Variants in DPF3 observed in about 807,000 individuals in gnomAD.
DPF3 encodes double PHD fingers 3, also known as zinc finger protein DPF3.
Under a neutral mutation model 56.8 loss-of-function variants are expected in DPF3, and 18 were observed. The observed-to-expected ratio is 0.32, with a 90% CI of 0.22 to 0.47. DPF3 has a LOEUF of 0.47. Among genes scored for constraint, DPF3 ranks in the 20% least tolerant of loss-of-function variants. The pLI is 1.00. For synonymous variants in DPF3, 188 were observed against 180.2 expected (o/e 1.04, Z -0.35); for missense variants, 403 against 488.8 (o/e 0.82, Z 1.65).
At chr14:72,648,634 C>T (rs1047920015) in intron 8 of DPF3, among the ~76,000 whole-genome samples, 8 of 151,990 alleles carry the variant, frequency 5.3e-5, no homozygotes, top group African/African-American at 1.7e-4. Flanking sequence ...CCCAGCTCCC[C>T]GCCTCTGTAT....
chr14:72,736,711 G>A (rs1889907238), intron 3 of DPF3, among the ~76,000 whole-genome samples: 1 of 152,186 alleles, frequency 6.6e-6, no homozygotes, highest in African/African-American at 2.4e-5. Context: ...AGCCCTTAGG[G>A]ATTTCATTTA....
chr14:72,714,268 G>T (rs1267177151), intron 6 of DPF3, among the ~76,000 whole-genome samples, 155 bp downstream of exon 6: 2 of 152,202 alleles, frequency 1.3e-5, no homozygotes, highest in African/African-American at 4.8e-5. Flanking sequence ...TGGTGACTGC[G>T]GTGGAGGCGG....
In DPF3 at chr14:72,614,777, G is replaced by GGAAAAAAAAAAAAA. The variant is rs1555488399; in HGVS notation, c.*4519_*4520insTTTTTTTTTTTTTC. Among the ~76,000 whole-genome samples the GGAAAAAAAAAAAAA allele has an allele frequency of 1.4e-4, 13 of 96,058 alleles. No individual in the cohort carries two copies. The highest frequency in any genetic ancestry group is 5.6e-4 in the African/African-American group (12 of 21,432). 63.0% of individuals were successfully genotyped at this position (96,058 alleles called of 152,430 possible). A position where few individuals can be genotyped will look rare whatever the true frequency, so the allele number is the denominator to read the frequency against. ...CTGTTGCCCAGGATCACAAGCCTCAGAAAAAAAAAAAAGAGTTACAATCAC... is the reference window on the plus strand; with the variant it reads ...CTGTTGCCCAGGATCACAAGCCTCAGGAAAAAAAAAAAAAAAAAAAAAAAAAGAGTTACAATCAC... On this transcript the variant is annotated 3_prime_UTR_variant, in exon 11 of 11. Transcript: ENST00000556509.
chr14:72,669,845 A>C, intron 8 of DPF3: 1 of 972,246 alleles, frequency 1.0e-6, no homozygotes, highest in Non-Finnish European at 1.2e-6. Context: ...GTCCAAACCC[A>C]GGAAAACAAA....
intron 1 of DPF3, among the ~76,000 whole-genome samples, chr14:72,800,338 C>T (rs975883385): frequency 5.3e-5 from 8 of 152,140 alleles, no homozygotes; most frequent in African/African-American, 1.7e-4. Flanking sequence ...CCTTTAAATA[C>T]ATAAGTTTAC....
In DPF3 at chr14:72,856,088, A is replaced by G. The variant is rs1355577882; in HGVS notation, c.32+37969T>C. On this transcript the variant is annotated intron_variant, in intron 1 of 10. Coordinates refer to ENST00000556509, the MANE Select transcript of DPF3 (RefSeq NM_001280542.3). ...CCTGGCCTGTGCTTTGGGCTTTCCC[A>G]GAGCTGTTTCATGCAATAGCTTTGG... 3.9e-5 allele frequency among the ~76,000 whole-genome samples: 6 copies of G among 152,236 alleles called. No homozygotes were observed. The South Asian group carries it at 1.0e-3, about 26-fold the overall frequency.
intron 8 of DPF3, among the ~76,000 whole-genome samples, chr14:72,663,166 C>CAAA (rs56335418): frequency 2.3e-4 from 20 of 88,522 alleles, no homozygotes; most frequent in South Asian, 1.6e-3. Flanking sequence ...TGGGTGTTAG[C>CAAA]AAAAAAAAAA....
At chr14:72,877,919 G>C (rs1357501120) in intron 1 of DPF3, among the ~76,000 whole-genome samples, 1 of 152,220 alleles carries the variant, frequency 6.6e-6, no homozygotes, top group Non-Finnish European at 1.5e-5. Context: ...AAGAAAATGA[G>C]TGCCAGGAAC....
At chr14:72,737,214 A>C (rs533748478) in intron 3 of DPF3, among the ~76,000 whole-genome samples, 18 of 152,132 alleles carry the variant, frequency 1.2e-4, no homozygotes, top group Admixed American at 6.5e-4. Flanking sequence ...AACAAACAAA[A>C]AAAACCACAC....
intron 1 of DPF3, among the ~76,000 whole-genome samples, chr14:72,853,550 A>C (rs1001092157): frequency 6.7e-6 from 1 of 148,840 alleles, no homozygotes; most frequent in Non-Finnish European, 1.5e-5. Flanking sequence ...TCTTGGCTCA[A>C]CACAACCTCT....
At chr14:72,649,234 T>A (rs982493130) in intron 8 of DPF3, among the ~76,000 whole-genome samples, 1 of 152,092 alleles carries the variant, frequency 6.6e-6, no homozygotes, top group African/African-American at 2.4e-5. Context: ...AGGAAAGGAT[T>A]TTGTGGGAAA....
At chr14:72,677,633 G>A (rs1375759552) in intron 7 of DPF3, among the ~76,000 whole-genome samples, 1 of 151,912 alleles carries the variant, frequency 6.6e-6, no homozygotes, top group Non-Finnish European at 1.5e-5. Flanking sequence ...AGTGACTTTA[G>A]AGAGGGATGG....
intron 1 of DPF3, among the ~76,000 whole-genome samples, chr14:72,838,505 A>G (rs1250300956): frequency 6.6e-6 from 1 of 152,014 alleles, no homozygotes; most frequent in African/African-American, 2.4e-5. Context: ...AAAAAACAGC[A>G]CCCTGGAGAA....
chr14:72,776,896 G>A (rs1314705437), intron 1 of DPF3, among the ~76,000 whole-genome samples: 1 of 152,062 alleles, frequency 6.6e-6, no homozygotes, highest in African/African-American at 2.4e-5. Context: ...AGGCTATGCT[G>A]CCCTCCCTCT....
intron 2 of DPF3, among the ~76,000 whole-genome samples, chr14:72,754,711 A>G (rs1890719281): frequency 1.3e-5 from 2 of 152,220 alleles, no homozygotes; most frequent in Non-Finnish European, 2.9e-5. Context: ...CTTTGCAGAG[A>G]AAATCTATGT....
intron 5 of DPF3, among the ~76,000 whole-genome samples, chr14:72,722,699 C>T (rs1889226165): frequency 6.6e-6 from 1 of 152,232 alleles, no homozygotes; most frequent in African/African-American, 2.4e-5. Context: ...AGGTGGACAG[C>T]AGCAGTTTAC....
intron 9 of DPF3, among the ~76,000 whole-genome samples, chr14:72,625,299 G>A (rs928478270): frequency 6.6e-6 from 1 of 151,942 alleles, no homozygotes; most frequent in Non-Finnish European, 1.5e-5. Flanking sequence ...TATTAGTATA[G>A]ATATTTATTT....
At chr14:72,879,439 C>T (rs566586877) in intron 1 of DPF3, among the ~76,000 whole-genome samples, 1 of 152,178 alleles carries the variant, frequency 6.6e-6, no homozygotes, top group East Asian at 1.9e-4. Context: ...CTTCCACGCC[C>T]TTACTGCTAA....
chr14:72,743,336 A>G (rs1457273168), intron 3 of DPF3, among the ~76,000 whole-genome samples: 1 of 152,208 alleles, frequency 6.6e-6, no homozygotes, highest in Non-Finnish European at 1.5e-5. Flanking sequence ...CGGGCCTTCA[A>G]GCAACATGGC....
Sources: gnomAD v4.1 joint callset for allele counts (sites outside exome capture counted in the v4.1 genomes callset) on GRCh38, gnomAD v4.1.1 for gene constraint, MANE v1.5 for transcripts, NCBI Gene and HGNC (gene_info 2026-07-23, HGNC 2026-07-21) for gene names.